Variants in TMEM163 observed in about 807,000 individuals in gnomAD.
TMEM163 encodes the protein transmembrane protein 163.
Under a neutral mutation model 29.3 loss-of-function variants are expected in TMEM163, and 17 were observed. The observed-to-expected ratio is 0.58, with a 90% CI of 0.40 to 0.87. The LOEUF (loss-of-function observed/expected upper bound fraction) is 0.87. Among genes scored for constraint, TMEM163 ranks in the 40% least tolerant of loss-of-function variants. The probability of loss-of-function intolerance (pLI) is 0.00; values close to 1 mark genes in which losing one functional copy is unlikely to be tolerated. For missense variants in TMEM163, 303 were observed against 381.5 expected (o/e 0.79, Z 1.71); for synonymous variants, 157 against 160.6 (o/e 0.98, Z 0.17).
chr2:134,595,504 C>G (rs1487761576), intron 2 of TMEM163, among the ~76,000 whole-genome samples: 1 of 152,140 alleles, frequency 6.6e-6, no homozygotes, highest in Non-Finnish European at 1.5e-5. Context: ...TTTTCTTAAT[C>G]CAGTCTATCA....
chr2:134,620,792 T>C (rs188512267), intron 2 of TMEM163, among the ~76,000 whole-genome samples: 1 of 152,244 alleles, frequency 6.6e-6, no homozygotes, highest in Non-Finnish European at 1.5e-5. Flanking sequence ...AAAATTGAAC[T>C]TAAACCGTTA....
In TMEM163 at chr2:134,569,969, T is replaced by G. The variant is rs577343325; in HGVS notation, c.323-17878A>C. Among the ~76,000 whole-genome samples, 97 of 152,314 alleles carry G rather than the reference T, an allele frequency of 6.4e-4. 1 individual carries two copies. The South Asian group carries it at 0.012, about 19-fold the overall frequency. ...CACACCATAGACACTCCCTGCCCGTTGGTCACTTATTAGCCCCTGGGTAAT... is the reference window on the plus strand; with the variant it reads ...CACACCATAGACACTCCCTGCCCGTGGGTCACTTATTAGCCCCTGGGTAAT... On this transcript the variant is annotated intron_variant, in intron 2 of 7. Coordinates refer to ENST00000281924, the MANE Select transcript of TMEM163 (RefSeq NM_030923.5).
chr2:134,546,685 T>C (rs965332554), intron 4 of TMEM163, among the ~76,000 whole-genome samples: 4 of 147,226 alleles, frequency 2.7e-5, no homozygotes, highest in South Asian at 2.2e-4. Context: ...TGGTGGTGCA[T>C]GCCTGTAGTC....
intron 4 of TMEM163, among the ~76,000 whole-genome samples, chr2:134,518,604 C>T (rs1680124965): frequency 6.6e-6 from 1 of 152,228 alleles, no homozygotes; most frequent in African/African-American, 2.4e-5. Flanking sequence ...TGCCACATCA[C>T]ATCTTCTTGG....
At chr2:134,578,709 G>A (rs760067464) in intron 2 of TMEM163, among the ~76,000 whole-genome samples, 1 of 152,124 alleles carries the variant, frequency 6.6e-6, no homozygotes, top group Non-Finnish European at 1.5e-5. Context: ...CAGCAATTCA[G>A]ATCATGTAAA....
At position 134,466,095 on chromosome 2, in the gene TMEM163, G is replaced by T. The variant is rs779435400; in HGVS notation, c.667+19C>A. On this transcript the variant is annotated intron_variant, in intron 6 of 7. Coordinates refer to ENST00000281924, the MANE Select transcript of TMEM163 (RefSeq NM_030923.5). ...TGTGAGCCCAGCCCCCAGAGATTAG[G>T]CACCCTGGCCTTACTCACCATCTGT... 2.5e-6 allele frequency: 4 copies of T among 1,582,708 alleles called. No individual in the cohort carries two copies. Among genetic ancestry groups the T allele is most frequent in the Non-Finnish European group, 3.5e-6 (4 of 1,156,610 alleles).
chr2:134,465,200 A>C (rs1244444318), intron 6 of TMEM163, among the ~76,000 whole-genome samples: 2 of 143,154 alleles, frequency 1.4e-5, no homozygotes, highest in Non-Finnish European at 3.0e-5. Context: ...AAAAAAAAAA[A>C]AAACAAAAAC....
At chr2:134,587,224 A>T (rs1244769453) in intron 2 of TMEM163, among the ~76,000 whole-genome samples, 1 of 152,200 alleles carries the variant, frequency 6.6e-6, no homozygotes, top group African/African-American at 2.4e-5. Context: ...CAACCTGGCC[A>T]ACATGGTGAG....
chr2:134,603,559 C>T (rs1209741283), intron 2 of TMEM163, among the ~76,000 whole-genome samples: 2 of 152,172 alleles, frequency 1.3e-5, no homozygotes. Flanking sequence ...ACTGCTGTCC[C>T]TCCCTGACAA....
chr2:134,695,531 G>A lies in TMEM163; in HGVS notation c.322+17669C>T, dbSNP rs549563107. Among the ~76,000 whole-genome samples, 86 of 152,036 alleles carry A rather than the reference G, an allele frequency of 5.7e-4. No individual in the cohort carries two copies. In the South Asian group the frequency reaches 7.3e-3, roughly 13 times the overall value. On this transcript the variant is annotated intron_variant, in intron 2 of 7. Coordinates refer to ENST00000281924, the MANE Select transcript of TMEM163 (RefSeq NM_030923.5). The stretch of plus-strand genomic sequence containing the variant: ...GAACAGAACAAATACTATAAAAACT[G>A]TAGTTTTCTTGAACTAGAAAGACAT...
chr2:134,530,883 A>T (rs987172538), intron 4 of TMEM163, among the ~76,000 whole-genome samples: 1 of 152,212 alleles, frequency 6.6e-6, no homozygotes, highest in African/African-American at 2.4e-5. Flanking sequence ...GCGCACGCAC[A>T]CACAACACAC....
At chr2:134,564,788 A>G (rs1681259610) in intron 2 of TMEM163, among the ~76,000 whole-genome samples, 1 of 152,206 alleles carries the variant, frequency 6.6e-6, no homozygotes, top group African/African-American at 2.4e-5. Flanking sequence ...TAAAACTAAA[A>G]CCACAGATGC....
chr2:134,672,602 C>G lies in TMEM163; in HGVS notation c.322+40598G>C, dbSNP rs143252641. On this transcript the variant is annotated intron_variant, in intron 2 of 7. Coordinates refer to ENST00000281924, the MANE Select transcript of TMEM163 (RefSeq NM_030923.5). ...CTGTTGCCCAGGCTGATCTCAGACT[C>G]TTGGACTAAAGCGATCCTCCCACTT... Among the ~76,000 whole-genome samples, 14 of 152,128 alleles carry G rather than the reference C, an allele frequency of 9.2e-5. 1 individual carries two copies. The highest frequency in any genetic ancestry group is 3.1e-4 in the African/African-American group (13 of 41,484).
rs117063747 is a variant in TMEM163, at chr2:134,637,148, T to C, written c.322+76052A>G. Among the ~76,000 whole-genome samples, 594 of 152,372 alleles carry C rather than the reference T, an allele frequency of 3.9e-3. 10 individuals carry two copies. The East Asian group carries it at 0.053, about 14-fold the overall frequency. On this transcript the variant is annotated intron_variant, in intron 2 of 7. Coordinates refer to ENST00000281924, the MANE Select transcript of TMEM163 (RefSeq NM_030923.5). Reference sequence around the variant, plus strand: ...TCTAGGCAGCAGGCAAGGTGAATTGTTGGGCGATTACAAAACATTGATGAG... The same window carrying C: ...TCTAGGCAGCAGGCAAGGTGAATTGCTGGGCGATTACAAAACATTGATGAG...
At chr2:134,547,020 T>C (rs964162165) in intron 4 of TMEM163, among the ~76,000 whole-genome samples, 9 of 152,092 alleles carry the variant, frequency 5.9e-5, no homozygotes, top group African/African-American at 2.2e-4. Context: ...ACAATGGTGA[T>C]TGCTAGGGAC....
intron 4 of TMEM163, among the ~76,000 whole-genome samples, chr2:134,540,508 T>C (rs1052568618): frequency 6.6e-6 from 1 of 152,248 alleles, no homozygotes; most frequent in Non-Finnish European, 1.5e-5. Context: ...TTTTGGGTTG[T>C]AGCTAATTGC....
chr2:134,700,941 A>AATAAATAAATAAATACATACATAAATAC (rs371684167), intron 2 of TMEM163, among the ~76,000 whole-genome samples: 11 of 146,410 alleles, frequency 7.5e-5, no homozygotes, highest in African/African-American at 2.8e-4. Flanking sequence ...TAAATAAATA[A>AATAAATAAATAAATACATACATAAATAC]ATAAATAAAG....
At chr2:134,519,607 G>C (rs373682723) in intron 4 of TMEM163, among the ~76,000 whole-genome samples, 2 of 152,030 alleles carry the variant, frequency 1.3e-5, no homozygotes, top group African/African-American at 4.8e-5. Context: ...AGCTACTCGG[G>C]AGGCTGAGGC....
At chr2:134,519,262 G>A (rs1680141443) in intron 4 of TMEM163, among the ~76,000 whole-genome samples, 1 of 152,208 alleles carries the variant, frequency 6.6e-6, no homozygotes, top group Admixed American at 6.5e-5. Flanking sequence ...TACATATTTT[G>A]CCATGAACTC....
Sources: allele counts gnomAD v4.1 joint callset (sites outside exome capture counted in the v4.1 genomes callset), GRCh38; gene constraint gnomAD v4.1.1; transcripts MANE v1.5; gene names NCBI Gene and HGNC (gene_info 2026-07-23, HGNC 2026-07-21).